Variants in CNTNAP5 observed in about 807,000 individuals in gnomAD.
CNTNAP5 encodes the protein contactin-associated protein-like 5.
A neutral mutation model predicts 150.2 loss-of-function variants in CNTNAP5; 72 were observed. The ratio of observed to expected loss-of-function variants is 0.48; its 90% CI spans 0.40 to 0.58. CNTNAP5 has a LOEUF of 0.58. Ranked by LOEUF, CNTNAP5 falls within the 20% of genes least tolerant of loss-of-function variation. The pLI is 0.00. For synonymous variants in CNTNAP5, 672 were observed against 619.8 expected, an observed-to-expected ratio of 1.08 and a Z score of -1.25; for missense variants, 1,636 against 1,626.2, an observed-to-expected ratio of 1.01 and a Z score of -0.10.
chr2:124,576,605 G>A (rs527500802), intron 11 of CNTNAP5, among the ~76,000 whole-genome samples: 111 of 152,126 alleles, frequency 7.3e-4, no homozygotes, highest in Non-Finnish European at 1.2e-3. Context: ...AAACAAACCC[G>A]TTCTGTATTT....
Position 124,364,263 on chromosome 2 carries a change from T to C in CNTNAP5, c.382-53180T>C, listed in dbSNP as rs542051905. Among the ~76,000 whole-genome samples the C allele has an allele frequency of 3.3e-5, 5 of 152,292 alleles. No individual in the cohort carries two copies. The South Asian group carries it at 1.0e-3, about 32-fold the overall frequency. On this transcript the variant is annotated intron_variant, in intron 3 of 23. Transcript: ENST00000682447. ...GCTCTAGCTACTTCCTAATTCTGGA[T>C]GGCTCCAGGGATAACTACATGGCTC...
intron 1 of CNTNAP5, among the ~76,000 whole-genome samples, chr2:124,214,563 T>C (rs1686108432): frequency 6.6e-6 from 1 of 152,150 alleles, no homozygotes; most frequent in African/African-American, 2.4e-5. Flanking sequence ...AAATGAACAA[T>C]AACCCGTGCC....
At chr2:124,840,980 A>G (rs76914702) in intron 19 of CNTNAP5, among the ~76,000 whole-genome samples, 2 of 151,956 alleles carry the variant, frequency 1.3e-5, no homozygotes, top group African/African-American at 4.8e-5. Context: ...CTCAACATAC[A>G]TTTTTTGAAT....
chr2:124,080,733 T>C (rs1037340887), intron 1 of CNTNAP5, among the ~76,000 whole-genome samples: 1 of 152,208 alleles, frequency 6.6e-6, no homozygotes, highest in Non-Finnish European at 1.5e-5. Flanking sequence ...GACTGCTCAT[T>C]CTTGGCTTGA....
chr2:124,729,507 A>G (rs1444591573), intron 13 of CNTNAP5, among the ~76,000 whole-genome samples: 1 of 152,092 alleles, frequency 6.6e-6, no homozygotes, highest in Non-Finnish European at 1.5e-5. Context: ...TAAGAAGTTT[A>G]TATGTGTAAA....
At chr2:124,522,248 G>A (rs1275442564) in intron 8 of CNTNAP5, among the ~76,000 whole-genome samples, 2 of 152,302 alleles carry the variant, frequency 1.3e-5, no homozygotes, top group East Asian at 3.9e-4. Context: ...TTCCCAGCTG[G>A]CTGCTTTGGG....
chr2:124,280,170 G>GTA (rs778410811), intron 3 of CNTNAP5, among the ~76,000 whole-genome samples: 49 of 150,996 alleles, frequency 3.2e-4, no homozygotes, highest in Non-Finnish European at 4.7e-4. Context: ...ATATATATAC[G>GTA]TATATATATA....
Position 124,746,600 on chromosome 2 carries a change from G to A in CNTNAP5, c.2078-629G>A, listed in dbSNP as rs145694131. Among the ~76,000 whole-genome samples, 500 of 152,198 alleles carry A rather than the reference G, an allele frequency of 3.3e-3. 5 individuals carry two copies. Among genetic ancestry groups the A allele is most frequent in the African/African-American group, 0.012 (481 of 41,532 alleles). On this transcript the variant is annotated intron_variant, in intron 13 of 23. Coordinates refer to ENST00000682447, the MANE Select transcript of CNTNAP5 (RefSeq NM_001367498.1). ...GCAACTGCAGGGCTACTATTATCCT[G>A]AGAGAAATCAATGGGAGGCCATCAG...
intron 17 of CNTNAP5, among the ~76,000 whole-genome samples, chr2:124,781,046 G>A (rs1277250633): frequency 1.3e-5 from 2 of 152,184 alleles, no homozygotes; most frequent in Admixed American, 1.3e-4. Flanking sequence ...TTTGCAGGAT[G>A]GGGAGTGAGG....
At position 124,558,194 on chromosome 2, in the gene CNTNAP5, G is replaced by A. The variant is rs527391529; in HGVS notation, c.1650-5023G>A. On this transcript the variant is annotated intron_variant, in intron 10 of 23. Coordinates refer to ENST00000682447, the MANE Select transcript of CNTNAP5 (RefSeq NM_001367498.1). ...GCAGTTATTCTGGTGAGTGATGCTTGCATCTCAGACTAGAGGAACATCAGG... is the reference window on the plus strand; with the variant it reads ...GCAGTTATTCTGGTGAGTGATGCTTACATCTCAGACTAGAGGAACATCAGG... Among the ~76,000 whole-genome samples, 4 of 152,282 alleles carry A rather than the reference G, an allele frequency of 2.6e-5. No individual in the cohort carries two copies. In the South Asian group the frequency reaches 8.3e-4, roughly 32 times the overall value.
At chr2:124,050,640 G>T (rs963188658) in intron 1 of CNTNAP5, among the ~76,000 whole-genome samples, 4 of 152,112 alleles carry the variant, frequency 2.6e-5, no homozygotes, top group African/African-American at 9.7e-5. Context: ...CTGCCTCTGT[G>T]TGCTGCAGTC....
At chr2:124,379,714 AGCGCC>A (rs1436615656) in intron 3 of CNTNAP5, among the ~76,000 whole-genome samples, 1 of 152,114 alleles carries the variant, frequency 6.6e-6, no homozygotes, top group Non-Finnish European at 1.5e-5. Flanking sequence ...GAGGTCTGGC[AGCGCC>A]CTCACAAGGG....
intron 4 of CNTNAP5, among the ~76,000 whole-genome samples, chr2:124,427,994 G>A (rs1478468686): frequency 6.6e-6 from 1 of 152,114 alleles, no homozygotes; most frequent in Non-Finnish European, 1.5e-5. Context: ...TTTCTAACAA[G>A]CTCCTTGGTG....
intron 3 of CNTNAP5, among the ~76,000 whole-genome samples, chr2:124,314,549 C>A (rs1305217303): frequency 3.3e-5 from 5 of 152,064 alleles, no homozygotes; most frequent in Admixed American, 2.0e-4. Flanking sequence ...TGTCTGACTT[C>A]TCCCAGTCTA....
At chr2:124,611,015 A>C (rs1186424962) in intron 12 of CNTNAP5, among the ~76,000 whole-genome samples, 1 of 134,000 alleles carries the variant, frequency 7.5e-6, no homozygotes, top group Non-Finnish European at 1.7e-5. Context: ...ATTAATTGGC[A>C]CACGCACATT....
At chr2:124,893,185 C>A (rs1678235156) in intron 21 of CNTNAP5, among the ~76,000 whole-genome samples, 1 of 152,112 alleles carries the variant, frequency 6.6e-6, no homozygotes, top group Admixed American at 6.6e-5. Flanking sequence ...AATCTCAGCT[C>A]TGCCACTTTC....
At chr2:124,262,700 G>A (rs984584618) in intron 3 of CNTNAP5, among the ~76,000 whole-genome samples, 5 of 151,362 alleles carry the variant, frequency 3.3e-5, no homozygotes, top group African/African-American at 9.7e-5. Flanking sequence ...TGCACAACAT[G>A]CAGGTTTGTT....
chr2:124,288,448 C>A (rs1202867281), intron 3 of CNTNAP5, among the ~76,000 whole-genome samples: 1 of 152,136 alleles, frequency 6.6e-6, no homozygotes, highest in African/African-American at 2.4e-5. Flanking sequence ...CAATCTAAGG[C>A]CTCCTCACAA....
intron 11 of CNTNAP5, among the ~76,000 whole-genome samples, chr2:124,589,616 A>C (rs765846589): frequency 3.9e-5 from 6 of 152,132 alleles, no homozygotes; most frequent in Non-Finnish European, 7.3e-5. Context: ...ACTTTGAACA[A>C]AAAAAAGCAC....
Sources: gnomAD v4.1 joint callset for allele counts (sites outside exome capture counted in the v4.1 genomes callset) on GRCh38, gnomAD v4.1.1 for gene constraint, MANE v1.5 for transcripts, NCBI Gene and HGNC (gene_info 2026-07-23, HGNC 2026-07-21) for gene names.